Variants in FMN1 observed in about 807,000 individuals in gnomAD.
FMN1 encodes the protein formin 1, also known as formin-1.
A neutral mutation model predicts 132.4 loss-of-function variants in FMN1; 110 were observed. The ratio of observed to expected loss-of-function variants is 0.83; its 90% CI spans 0.71 to 0.97. The LOEUF is 0.97. FMN1 is among the 50% of genes least tolerant of loss of function. The pLI is 0.00. For missense variants in FMN1, 1,792 were observed against 1,705.3 expected, an observed-to-expected ratio of 1.05 and a Z score of -0.90; for synonymous variants, 722 against 651.7, an observed-to-expected ratio of 1.11 and a Z score of -1.64.
intron 6 of FMN1, among the ~76,000 whole-genome samples, chr15:33,055,216 C>T: frequency 6.6e-6 from 1 of 152,140 alleles, no homozygotes; most frequent in South Asian, 2.1e-4. Context: ...CTTATCTTAA[C>T]CCAGACACTC....
chr15:33,088,306 G>A (rs2038779156), intron 5 of FMN1, among the ~76,000 whole-genome samples: 1 of 152,162 alleles, frequency 6.6e-6, no homozygotes, highest in African/African-American at 2.4e-5. Context: ...TTTTTTAAAT[G>A]CATTATCCTA....
At chr15:32,968,226 CTT>C (rs1184569051) in intron 8 of FMN1, among the ~76,000 whole-genome samples, 1 of 152,226 alleles carries the variant, frequency 6.6e-6, no homozygotes, top group Non-Finnish European at 1.5e-5. Flanking sequence ...GAACTAATAA[CTT>C]AGCCATGTCT....
intron 5 of FMN1, among the ~76,000 whole-genome samples, chr15:33,065,846 T>A (rs2037700680): frequency 6.6e-6 from 1 of 152,196 alleles, no homozygotes; most frequent in Non-Finnish European, 1.5e-5. Context: ...TTTCTTTGAG[T>A]AATAACAGCA....
chr15:33,058,812 G>T (rs776131166), intron 6 of FMN1, among the ~76,000 whole-genome samples: 40 of 152,150 alleles, frequency 2.6e-4, no homozygotes, highest in South Asian at 4.1e-4. Context: ...AGATGATGCG[G>T]TGTTTTGATA....
intron 4 of FMN1, among the ~76,000 whole-genome samples, chr15:33,100,227 A>T (rs946322357): frequency 1.9e-4 from 27 of 144,744 alleles, no homozygotes; most frequent in African/African-American, 7.6e-4. Flanking sequence ...TCACAGTAAA[A>T]AAAAAAAAAA....
intron 2 of FMN1, among the ~76,000 whole-genome samples, chr15:33,187,550 C>A (rs529736730): frequency 1.3e-5 from 2 of 152,174 alleles, no homozygotes; most frequent in African/African-American, 4.8e-5. Flanking sequence ...TAAGTAGGAA[C>A]CATAGGAAAT....
intron 7 of FMN1, among the ~76,000 whole-genome samples, chr15:32,978,306 C>A (rs1040290639): frequency 3.3e-5 from 5 of 152,062 alleles, no homozygotes; most frequent in Non-Finnish European, 5.9e-5. Flanking sequence ...ACTTGAGACA[C>A]AAAACAAAAT....
At chr15:32,854,545 C>T (rs895515095) in intron 17 of FMN1, among the ~76,000 whole-genome samples, 1 of 152,112 alleles carries the variant, frequency 6.6e-6, no homozygotes, top group Non-Finnish European at 1.5e-5. Context: ...TGATGTTATT[C>T]CTAATGTTAC....
intron 6 of FMN1, among the ~76,000 whole-genome samples, chr15:33,025,013 C>T (rs1331410220): frequency 1.3e-5 from 2 of 152,088 alleles, no homozygotes; most frequent in Non-Finnish European, 2.9e-5. Flanking sequence ...TACATAAAAA[C>T]CATACTATCC....
chr15:33,164,095 A>G (rs1227893910), intron 3 of FMN1, among the ~76,000 whole-genome samples: 1 of 144,296 alleles, frequency 6.9e-6, no homozygotes, highest in Non-Finnish European at 1.6e-5. Context: ...CAGCCTTGAC[A>G]AGAAGGAGGA....
chr15:33,116,215 G>A (rs999327992), intron 4 of FMN1, among the ~76,000 whole-genome samples: 3 of 151,832 alleles, frequency 2.0e-5, no homozygotes, highest in South Asian at 2.1e-4. Flanking sequence ...TTTTTCACTG[G>A]GATTGACCTA....
intron 18 of FMN1, among the ~76,000 whole-genome samples, chr15:32,802,921 T>C (rs976208568): frequency 1.3e-5 from 2 of 152,192 alleles, no homozygotes; most frequent in Non-Finnish European, 2.9e-5. Context: ...TGAATGATTA[T>C]TATGATAGGA....
chr15:32,874,806 T>C lies in FMN1; in HGVS notation c.3835+13366A>G, dbSNP rs545039797. On this transcript the variant is annotated intron_variant, in intron 16 of 20. Coordinates refer to ENST00000616417, the MANE Select transcript of FMN1 (RefSeq NM_001277313.2). ...ATATTTGCTGAACAAATTAATTGATTGAAAAGGTCAAACAAGATCTGTCTC... is the reference window on the plus strand; with the variant it reads ...ATATTTGCTGAACAAATTAATTGATCGAAAAGGTCAAACAAGATCTGTCTC... Among the ~76,000 whole-genome samples the C allele has an allele frequency of 1.1e-4, 16 of 151,836 alleles. No individual in the cohort carries two copies. The South Asian group carries it at 2.5e-3, about 24-fold the overall frequency.
chr15:32,890,977 C>A (rs1370760634), intron 15 of FMN1, among the ~76,000 whole-genome samples: 3 of 151,948 alleles, frequency 2.0e-5, no homozygotes, highest in Non-Finnish European at 2.9e-5. Flanking sequence ...TATCCCAGCA[C>A]CATTTGTTGA....
chr15:32,937,732 G>A (rs12914123), intron 9 of FMN1, among the ~76,000 whole-genome samples: 8,440 of 152,276 alleles, frequency 0.055, 343 homozygotes, highest in African/African-American at 0.11. Flanking sequence ...GTCAGGCTTC[G>A]CTGAAAGGGG....
chr15:33,113,893 C>A (rs1324089088), intron 4 of FMN1, among the ~76,000 whole-genome samples: 3 of 152,180 alleles, frequency 2.0e-5, no homozygotes, highest in Non-Finnish European at 4.4e-5. Flanking sequence ...TTCTACTGTT[C>A]CTTTAATTAG....
intron 6 of FMN1, among the ~76,000 whole-genome samples, chr15:33,046,188 G>T (rs562236796): frequency 2.0e-4 from 30 of 152,016 alleles, no homozygotes; most frequent in Non-Finnish European, 3.5e-4. Flanking sequence ...GTCAAAAAAA[G>T]AAAATTGGGA....
At chr15:33,039,360 C>T (rs547573003) in intron 6 of FMN1, among the ~76,000 whole-genome samples, 13 of 152,046 alleles carry the variant, frequency 8.6e-5, no homozygotes, top group Non-Finnish European at 1.5e-5. Context: ...ATGTGTGGCT[C>T]ATCACAGAGA....
chr15:32,805,850 T>C (rs1173912721), intron 17 of FMN1, among the ~76,000 whole-genome samples: 1 of 151,642 alleles, frequency 6.6e-6, no homozygotes, highest in Non-Finnish European at 1.5e-5. Flanking sequence ...GGGAAGCCCA[T>C]GGACTCTTGT....
Sources: gnomAD v4.1 joint callset for allele counts (sites outside exome capture counted in the v4.1 genomes callset) on GRCh38, gnomAD v4.1.1 for gene constraint, MANE v1.5 for transcripts, NCBI Gene and HGNC (gene_info 2026-07-23, HGNC 2026-07-21) for gene names.